TNNI3: variants seen among roughly 807,000 people sequenced by gnomAD.
TNNI3 encodes troponin I3, cardiac type.
TNNI3 carries 23 observed loss-of-function variants against 31.5 expected under a neutral mutation model. The observed-to-expected ratio is 0.73, with a 90% confidence interval of 0.52 to 1.03. TNNI3 has a LOEUF of 1.03. Among genes scored for constraint, TNNI3 ranks in the 50% least tolerant of loss-of-function variants. TNNI3 has a pLI of 0.00. For synonymous variants in TNNI3, 120 were observed against 111.7 expected (o/e 1.07, Z -0.47); for missense variants, 236 against 282.9 (o/e 0.83, Z 1.19).
intron 6 of TNNI3, chr19:55,154,530 C>G: frequency 1.5e-6 from 1 of 646,434 alleles, no homozygotes; most frequent in Non-Finnish European, 2.8e-6. Flanking sequence ...TGTTTCCCAA[C>G]CCATGGCCTT....
At position 55,154,079 on chromosome 19, in the gene TNNI3, A is replaced by G. The variant is rs1391407750; in HGVS notation, c.500T>C (p.Leu167Pro). 5 of 1,612,878 alleles carry G rather than the reference A, an allele frequency of 3.1e-6. No homozygotes were observed. Among genetic ancestry groups the G allele is most frequent in the East Asian group, 4.5e-5 (2 of 44,854 alleles). Residue 167 changes from leucine (L) to proline (P), a missense_variant, in exon 7 of 8, where the codon CTG becomes CCG. Coordinates refer to ENST00000344887, the MANE Select transcript of TNNI3 (RefSeq NM_000363.5). ...ALLGARAKESLDLRAHLKQVK... is the reference protein window; with the variant it reads ...ALLGARAKESPDLRAHLKQVK... Reference sequence around the variant, plus strand: ...CTGCTTGAGGTGGGCCCGCAGGTCCAGGGACTCCTTAGCCCGGGCCCCCAG... The same window carrying G: ...CTGCTTGAGGTGGGCCCGCAGGTCCGGGGACTCCTTAGCCCGGGCCCCCAG...
At chr19:55,155,312 GAGCTGGGGCCTGGA>G (rs1203035532) in intron 5 of TNNI3, among the ~76,000 whole-genome samples, 1 of 74,508 alleles carries the variant, frequency 1.3e-5, no homozygotes, top group African/African-American at 7.1e-5. Flanking sequence ...GAGGGAGGAG[GAGCTGGGGCCTGGA>G]CTCCAGGGTC....
rs1276684253 is a variant in TNNI3, at chr19:55,156,224, C to A, written c.259G>T (p.Gly87Trp). The change falls in exon 5 of 8, where the codon GGG becomes TGG. Residue 87 changes from glycine (G) to tryptophan (W), a missense_variant. Around this residue, in one of 4 missense-constraint regions of TNNI3, gnomAD observed 172 missense variants for 171.8 expected, o/e 1.00. Transcript: ENST00000344887. This position sits in a 1 kb window ranked among gnomAD's most constrained non-coding sequence, Gnocchi z 4.6. ...ACCTGCAGCTCCGCGAAGCCCAGCC[C>A]GGCCAACTCCAGCGGCTGGCAGCGG... The part of the protein sequence containing the change: ...STRCQPLELA[G>W]LGFAELQDLC... 1.2e-6 allele frequency: 2 copies of A among 1,612,762 alleles called. No homozygotes were observed. The highest frequency in any genetic ancestry group is 1.7e-6 in the Non-Finnish European group (2 of 1,179,876).
Position 55,156,289 on chromosome 19 carries a change from G to A in TNNI3, c.194C>T (p.Ala65Val), listed in dbSNP as rs1057518784. The A allele has an allele frequency of 2.5e-6, 4 of 1,610,888 alleles. No individual in the cohort carries two copies. The highest frequency in any genetic ancestry group is 2.2e-5 in the South Asian group (2 of 90,770). ...CCCCTTCTCTCCGCGCCGCTCCTCCGCCTCTCGCTCCAGCTCTTGCTTTGC... is the reference window on the plus strand; with the variant it reads ...CCCCTTCTCTCCGCGCCGCTCCTCCACCTCTCGCTCCAGCTCTTGCTTTGC... Reference protein sequence around the residue: ...QIAKQELEREAEERRGEKGRA... With the variant: ...QIAKQELEREVEERRGEKGRA... The change falls in exon 5 of 8, where the codon GCG (alanine) becomes GTG (valine). Residue 65 changes from alanine (A) to valine (V), a missense_variant. By Grantham distance (64) the Ala-to-Val change is moderately conservative (BLOSUM62 0). This residue lies in a region of TNNI3 where 172 missense variants were observed against 171.8 expected (regional missense o/e 1.00). Coordinates refer to ENST00000344887, the MANE Select transcript of TNNI3 (RefSeq NM_000363.5). The surrounding 1 kb of genome is among the most constrained non-coding windows in gnomAD (Gnocchi z 4.6).
Position 55,157,419 on chromosome 19 carries a change from C to T in TNNI3, c.12-111G>A, listed in dbSNP as rs1204711735. ...AGGTCGGGGGACCGCGCTTCCCCTT[C>T]CTTGGGTTCCAGGAGTCTGACTCGC... On this transcript the variant is annotated intron_variant, in intron 1 of 7. Transcript: ENST00000344887. This position sits in a 1 kb window ranked among gnomAD's most constrained non-coding sequence, Gnocchi z 6.3. 1 of 1,596,244 alleles carries T rather than the reference C, an allele frequency of 6.3e-7. No individual in the cohort carries two copies. Among genetic ancestry groups the T allele is most frequent in the African/African-American group, 1.3e-5 (1 of 74,596 alleles).
chr19:55,154,879 G>A (rs1465295057), intron 5 of TNNI3, 49 bp from the exon 6 acceptor site: 1 of 1,545,974 alleles, frequency 6.5e-7, no homozygotes, highest in Non-Finnish European at 8.9e-7. Context: ...AAAACAGGGA[G>A]ACCTGGACTC....
At chr19:55,155,327 C>T (rs1599910221) in intron 5 of TNNI3, among the ~76,000 whole-genome samples, 1 of 59,436 alleles carries the variant, frequency 1.7e-5, no homozygotes, top group Non-Finnish European at 3.1e-5. Flanking sequence ...GGGGCCTGGA[C>T]TCCAGGGTCT....
chr19:55,155,728 A>T (rs546081379), intron 5 of TNNI3, among the ~76,000 whole-genome samples: 1 of 52,884 alleles, frequency 1.9e-5, no homozygotes, highest in African/African-American at 9.2e-5. Context: ...CCTGGACTCC[A>T]GGGTCTGAGG....
chr19:55,154,859 G>C (rs774096709), intron 5 of TNNI3, 29 bp from the exon 6 acceptor site: 3 of 1,607,518 alleles, frequency 1.9e-6, no homozygotes, highest in Non-Finnish European at 2.6e-6. Flanking sequence ...GTGTGTTGTT[G>C]GGGGAACCAA....
In TNNI3 at chr19:55,154,739, A is replaced by G; in HGVS notation, c.372+2T>C. On this transcript the variant is annotated splice_donor_variant, in intron 6 of 7. Transcript: ENST00000344887. LOFTEE classifies it high-confidence loss of function. ...GGTACCCGAGCTGCCCATGCGTCCCACCTCCGTGATGTTCTTGGTGACTTT... is the reference window on the plus strand; with the variant it reads ...GGTACCCGAGCTGCCCATGCGTCCCGCCTCCGTGATGTTCTTGGTGACTTT... The G allele has an allele frequency of 6.2e-7, 1 of 1,613,590 alleles. No individual in the cohort carries two copies. Among genetic ancestry groups the G allele is most frequent in the East Asian group, 2.2e-5 (1 of 44,854 alleles).
Position 55,156,424 on chromosome 19 carries a change from A to T in TNNI3, c.151-92T>A. On this transcript the variant is annotated intron_variant, in intron 4 of 7. Transcript: ENST00000344887. This position sits in a 1 kb window ranked among gnomAD's most constrained non-coding sequence, Gnocchi z 4.6. ...CCGCCTCTGCCCTTCTAAACCCTCCAGTTTGGTCTCCACTGTTCCAAGGCC... is the reference window on the plus strand; with the variant it reads ...CCGCCTCTGCCCTTCTAAACCCTCCTGTTTGGTCTCCACTGTTCCAAGGCC... The T allele has an allele frequency of 6.5e-7, 1 of 1,529,618 alleles. No homozygotes were observed. The highest frequency in any genetic ancestry group is 8.8e-7 in the Non-Finnish European group (1 of 1,134,196). The allele number at this position is 1,529,618 out of a possible 1,614,324, so 94.8% of individuals were successfully genotyped here.
chr19:55,156,268 T>G lies in TNNI3; in HGVS notation c.215A>C (p.Lys72Thr). Reference protein sequence around the residue: ...EREAEERRGEKGRALSTRCQP... With the variant: ...EREAEERRGETGRALSTRCQP... ...GCAGCGGGTGCTCAGAGCGCGCCCC[T>G]TCTCTCCGCGCCGCTCCTCCGCCTC... The change falls in exon 5 of 8, where the codon AAG (lysine) becomes ACG (threonine). Residue 72 changes from lysine (K) to threonine (T), a missense_variant. This residue lies in a region of TNNI3 where 172 missense variants were observed against 171.8 expected (regional missense o/e 1.00). Coordinates refer to ENST00000344887, the MANE Select transcript of TNNI3 (RefSeq NM_000363.5). The surrounding 1 kb of genome is among the most constrained non-coding windows in gnomAD (Gnocchi z 4.6). The G allele has an allele frequency of 6.2e-7, 1 of 1,611,786 alleles. No homozygotes were observed. Among genetic ancestry groups the G allele is most frequent in the Non-Finnish European group, 8.5e-7 (1 of 1,179,570 alleles).
At position 55,156,370 on chromosome 19, in the gene TNNI3, G is replaced by A. The variant is rs1695718281; in HGVS notation, c.151-38C>T. 2 of 1,594,552 alleles carry A rather than the reference G, an allele frequency of 1.3e-6. No homozygotes were observed. Among genetic ancestry groups the A allele is most frequent in the Non-Finnish European group, 1.7e-6 (2 of 1,171,388 alleles). Reference sequence around the variant, plus strand: ...GGGAGGGAAGCGCAGCCCACCCGGGGCTTCAGGATAAAGACCAGGCGTGGG... The same window carrying A: ...GGGAGGGAAGCGCAGCCCACCCGGGACTTCAGGATAAAGACCAGGCGTGGG... On this transcript the variant is annotated intron_variant, in intron 4 of 7. Coordinates refer to ENST00000344887, the MANE Select transcript of TNNI3 (RefSeq NM_000363.5). This position sits in a 1 kb window ranked among gnomAD's most constrained non-coding sequence, Gnocchi z 4.6.
Position 55,156,331 on chromosome 19 carries a change from G to A in TNNI3, c.152C>T (p.Thr51Ile), listed in dbSNP as rs1366283106. 14 of 1,608,148 alleles carry A rather than the reference G, an allele frequency of 8.7e-6. No homozygotes were observed. Among genetic ancestry groups the A allele is most frequent in the African/African-American group, 1.3e-5 (1 of 74,854 alleles). The change falls in exon 5 of 8, where the codon ACT becomes ATT. Residue 51 changes from threonine (T) to isoleucine (I), a missense_variant and splice_region_variant. Physicochemically the swap from Thr to Ile is moderately conservative, Grantham distance 89. Transcript: ENST00000344887. The surrounding 1 kb of genome is among the most constrained non-coding windows in gnomAD (Gnocchi z 4.6). ...ISASRKLQLK[T>I]LLLQIAKQEL... ...TTGCTTTGCAATCTGCAGCAGCAGA[G>A]TCTGCAGAGGGGTGGGAGGGAAGCG...
Position 55,156,137 on chromosome 19 carries a change from A to G in TNNI3, c.282+64T>C. The stretch of plus-strand genomic sequence containing the variant: ...TGGACGCCTGGGTCCCGAGCAGAAG[A>G]GGGGATAGAGGCTGTACTGCTGAAT... On this transcript the variant is annotated intron_variant, in intron 5 of 7. Transcript: ENST00000344887. The surrounding 1 kb of genome is among the most constrained non-coding windows in gnomAD (Gnocchi z 4.6). The G allele has an allele frequency of 6.2e-7, 1 of 1,611,854 alleles. No individual in the cohort carries two copies. Among genetic ancestry groups the G allele is most frequent in the Non-Finnish European group, 8.5e-7 (1 of 1,179,232 alleles).
chr19:55,157,048 A>C lies in TNNI3; in HGVS notation c.108+2T>G, dbSNP rs1057520417. The C allele has an allele frequency of 6.3e-7, 1 of 1,586,708 alleles. No homozygotes were observed. Among genetic ancestry groups the C allele is most frequent in the Non-Finnish European group, 8.5e-7 (1 of 1,169,972 alleles). ...CTCTGCCCCCAGGAAGCCCCGTCCC[A>C]CCTTGGCGTGCGGCTCCGTGGCATA... On this transcript the variant is annotated splice_donor_variant, in intron 3 of 7. Coordinates refer to ENST00000344887, the MANE Select transcript of TNNI3 (RefSeq NM_000363.5). LOFTEE classifies it high-confidence loss of function. The surrounding 1 kb of genome is among the most constrained non-coding windows in gnomAD (Gnocchi z 6.3).
rs1240826681 is a variant in TNNI3 at position 55,151,838 on chromosome 19, C to T, written c.629G>A (p.Ser210Asn). The change falls in exon 8 of 8, where the codon AGC becomes AAC. Residue 210 changes from serine to asparagine, a missense_variant. Physicochemically the swap from Ser to Asn is conservative, Grantham distance 46. Transcript: ENST00000344887. ...AGGGGCAGTAGGCAGGAAGGCTCAG[C>T]TCTCAAACTTTTTCTTGCGGCCCTC... is the stretch of plus-strand genomic sequence containing the variant. ...GMEGRKKKFE[S>N] The T allele has an allele frequency of 6.2e-7, 1 of 1,613,940 alleles. No homozygotes were observed. The highest frequency in any genetic ancestry group is 8.5e-7 in the Non-Finnish European group (1 of 1,179,932).
chr19:55,156,491 C>G lies in TNNI3; in HGVS notation c.150+112G>C. On this transcript the variant is annotated intron_variant, in intron 4 of 7. Coordinates refer to ENST00000344887, the MANE Select transcript of TNNI3 (RefSeq NM_000363.5). This position sits in a 1 kb window ranked among gnomAD's most constrained non-coding sequence, Gnocchi z 4.6. The stretch of plus-strand genomic sequence containing the variant: ...AGTACTCCCCGCTAAAGCCACGCCC[C>G]GAGCGGCCAAACCCCGCCCACTTCC... 2.6e-6 allele frequency: 4 copies of G among 1,514,352 alleles called. No individual in the cohort carries two copies. Among genetic ancestry groups the G allele is most frequent in the Non-Finnish European group, 3.6e-6 (4 of 1,117,992 alleles). The allele number at this position is 1,514,352 out of a possible 1,614,324, so 93.8% of individuals were successfully genotyped here.
chr19:55,154,107 G>C lies in TNNI3; in HGVS notation c.472C>G (p.Leu158Val). The C allele has an allele frequency of 6.2e-7, 1 of 1,613,200 alleles. No individual in the cohort carries two copies. The highest frequency in any genetic ancestry group is 1.3e-5 in the African/African-American group (1 of 74,946). ...GACTCCTTAGCCCGGGCCCCCAGCA[G>C]CGCCTGCATCATGGCATCTGCAGAG... ...RISADAMMQA[L>V]LGARAKESLD... The change falls in exon 7 of 8, where the codon CTG becomes GTG. Residue 158 changes from leucine (L) to valine (V), a missense_variant. This residue lies in a region of TNNI3 where 34 missense variants were observed against 52.7 expected (regional missense o/e 0.65). Coordinates refer to ENST00000344887, the MANE Select transcript of TNNI3 (RefSeq NM_000363.5).
Sources: allele counts gnomAD v4.1 joint callset (sites outside exome capture counted in the v4.1 genomes callset), GRCh38; gene constraint gnomAD v4.1.1; regional missense constraint gnomAD v4.1.1; non-coding constraint Gnocchi (gnomAD v3.1); transcripts MANE v1.5; gene names NCBI Gene and HGNC (gene_info 2026-07-23, HGNC 2026-07-21).